The following KSR2 variants were observed in gnomAD, a reference collection of about 807,000 sequenced individuals.
The protein encoded by KSR2 is kinase suppressor of ras 2.
In KSR2, 25 loss-of-function variants were observed where a neutral mutation model predicts 107.8. The ratio of observed to expected loss-of-function variants is 0.23; its 90% confidence interval spans 0.17 to 0.32. The LOEUF is 0.32. KSR2 is among the 10% of genes least tolerant of loss of function. The pLI is 1.00. For synonymous variants in KSR2, 480 were observed against 507.0 expected (o/e 0.95, Z 0.71); for missense variants, 887 against 1,268.9 (o/e 0.70, Z 4.57).
intron 5 of KSR2, among the ~76,000 whole-genome samples, chr12:117,666,603 T>A (rs1884670092): frequency 6.6e-6 from 1 of 152,256 alleles, no homozygotes; most frequent in South Asian, 2.1e-4. Flanking sequence ...AATGGGGCCC[T>A]GCCTGTGAGT....
Position 117,967,738 on chromosome 12 carries a change from G to GA in KSR2, c.180+337dup, listed in dbSNP as rs1326767262. Reference sequence around the variant, plus strand: ...TGGCATATAAACAAATCCACAAGCGGAAAAAAGAGAGAACTCCCTCCTCAG... The same window carrying GA: ...TGGCATATAAACAAATCCACAAGCGGAAAAAAAGAGAGAACTCCCTCCTCAG... On this transcript the variant is annotated intron_variant, in intron 1 of 19. Transcript: ENST00000339824. Among the ~76,000 whole-genome samples, 67 of 151,850 alleles carry GA rather than the reference G, an allele frequency of 4.4e-4. 1 individual carries two copies. Among genetic ancestry groups the GA allele is most frequent in the Non-Finnish European group, 4.4e-5 (3 of 67,974 alleles).
chr12:117,727,902 T>C (rs922011654), intron 4 of KSR2, among the ~76,000 whole-genome samples: 3 of 152,200 alleles, frequency 2.0e-5, no homozygotes, highest in Non-Finnish European at 4.4e-5. Flanking sequence ...AAGAATGCAC[T>C]GATACAACAC....
chr12:117,700,064 T>C (rs1296801345), intron 4 of KSR2, among the ~76,000 whole-genome samples: 1 of 143,266 alleles, frequency 7.0e-6, no homozygotes. Flanking sequence ...TTTTTTTTAG[T>C]AGAGACCGGT....
chr12:117,550,172 T>C (rs1382400748), intron 9 of KSR2, among the ~76,000 whole-genome samples: 1 of 152,198 alleles, frequency 6.6e-6, no homozygotes, highest in Non-Finnish European at 1.5e-5. Flanking sequence ...ATGCTGAGAC[T>C]GTAAGGTGAG....
chr12:117,793,356 C>A (rs1270397317), intron 3 of KSR2, among the ~76,000 whole-genome samples: 1 of 147,484 alleles, frequency 6.8e-6, no homozygotes. Flanking sequence ...CATGCACACA[C>A]CCTCACACCA....
intron 3 of KSR2, among the ~76,000 whole-genome samples, chr12:117,769,774 C>T (rs61937726): frequency 0.023 from 3,478 of 152,146 alleles, 68 homozygotes; most frequent in South Asian, 0.093. Flanking sequence ...TCCAGTCCTG[C>T]CAGGTGCGGT....
chr12:117,798,318 G>A (rs1015474826), intron 3 of KSR2, among the ~76,000 whole-genome samples: 3 of 152,308 alleles, frequency 2.0e-5, no homozygotes, highest in East Asian at 3.9e-4. Context: ...GTCTTGAGAG[G>A]AGGCTCTAAG....
intron 3 of KSR2, among the ~76,000 whole-genome samples, chr12:117,791,362 G>T (rs565902713): frequency 1.3e-5 from 2 of 152,224 alleles, no homozygotes; most frequent in South Asian, 2.1e-4. Context: ...TCACAGCCCT[G>T]AGTCATTCTC....
At chr12:117,944,066 C>G (rs1284565434) in intron 1 of KSR2, among the ~76,000 whole-genome samples, 1 of 152,162 alleles carries the variant, frequency 6.6e-6, no homozygotes, top group Non-Finnish European at 1.5e-5. Context: ...TCCATTAAAC[C>G]TCTTTTTCTT....
intron 14 of KSR2, among the ~76,000 whole-genome samples, chr12:117,500,882 C>A (rs925298921): frequency 6.6e-6 from 1 of 152,262 alleles, no homozygotes; most frequent in Non-Finnish European, 1.5e-5. Context: ...TCTGAGAAGG[C>A]CTCGAGCGCT....
At chr12:117,634,140 C>G (rs187597341) in intron 5 of KSR2, among the ~76,000 whole-genome samples, 127 of 152,262 alleles carry the variant, frequency 8.3e-4, no homozygotes, top group African/African-American at 2.8e-3. Context: ...AGTTCAGTTT[C>G]TATCCAAGAG....
intron 4 of KSR2, among the ~76,000 whole-genome samples, chr12:117,683,214 T>C (rs1219678320): frequency 6.6e-6 from 1 of 152,154 alleles, no homozygotes; most frequent in African/African-American, 2.4e-5. Context: ...ATATAAATAG[T>C]ATATGACATA....
Position 117,785,080 on chromosome 12 carries a change from T to C in KSR2, c.473-23556A>G, listed in dbSNP as rs377193451. 7.2e-5 allele frequency among the ~76,000 whole-genome samples: 11 copies of C among 152,286 alleles called. No homozygotes were observed. In the East Asian group the frequency reaches 1.7e-3, roughly 24 times the overall value. On this transcript the variant is annotated intron_variant, in intron 3 of 19. Transcript: ENST00000339824. ...GGAGATACTCCAAAATTGCGTGATA[T>C]GCCAAAGACCAGGAAAATCCTGACC... is the stretch of plus-strand genomic sequence containing the variant.
chr12:117,885,436 A>G (rs1483622636), intron 1 of KSR2, among the ~76,000 whole-genome samples: 3 of 152,168 alleles, frequency 2.0e-5, no homozygotes, highest in Non-Finnish European at 2.9e-5. Context: ...GTGGAGCCAG[A>G]AGATGAATCA....
At chr12:117,923,878 G>C (rs1005532374) in intron 1 of KSR2, among the ~76,000 whole-genome samples, 1 of 148,276 alleles carries the variant, frequency 6.7e-6, no homozygotes, top group Non-Finnish European at 1.5e-5. Context: ...ATATATATTT[G>C]CTTTTTTTTT....
At chr12:117,518,001 A>G (rs771914687) in intron 14 of KSR2, 2 of 390,770 alleles carry the variant, frequency 5.1e-6, no homozygotes, top group Non-Finnish European at 9.9e-6. Context: ...AAGCATGGAA[A>G]ACAGGAACTG....
At chr12:117,657,044 C>A (rs542813039) in intron 5 of KSR2, among the ~76,000 whole-genome samples, 47 of 135,130 alleles carry the variant, frequency 3.5e-4, no homozygotes, top group African/African-American at 1.3e-3. Context: ...CTAAGAGAAT[C>A]CTGACTAATA....
At chr12:117,468,174 C>T (rs371394149) in intron 19 of KSR2, among the ~76,000 whole-genome samples, 69 of 152,298 alleles carry the variant, frequency 4.5e-4, no homozygotes, top group African/African-American at 1.6e-3. Flanking sequence ...CAATAGGGCT[C>T]GGTCTCCCTC....
intron 5 of KSR2, among the ~76,000 whole-genome samples, chr12:117,658,856 G>A (rs932983426): frequency 3.3e-5 from 5 of 152,122 alleles, no homozygotes; most frequent in Admixed American, 6.6e-5. Context: ...CAGAAAGATC[G>A]TGCAACCTGG....
Sources: allele counts gnomAD v4.1 joint callset (sites outside exome capture counted in the v4.1 genomes callset), GRCh38; gene constraint gnomAD v4.1.1; transcripts MANE v1.5; gene names NCBI Gene and HGNC (gene_info 2026-07-23, HGNC 2026-07-21).